Variants in PPFIBP1 observed in about 807,000 individuals in gnomAD.
PPFIBP1 encodes PPFIB scaffold protein 1.
Under a neutral mutation model 137.8 loss-of-function variants are expected in PPFIBP1, and 112 were observed. The observed-to-expected ratio is 0.81, with a 90% CI of 0.70 to 0.95. PPFIBP1 has a LOEUF of 0.95. PPFIBP1 is among the 40% of genes least tolerant of loss of function. The pLI is 0.00. For synonymous variants in PPFIBP1, 378 were observed against 417.3 expected (o/e 0.91, Z 1.15); for missense variants, 1,083 against 1,196.6 (o/e 0.91, Z 1.40).
chr12:27,683,536 C>T (rs751060752), intron 24 of PPFIBP1, among the ~76,000 whole-genome samples: 70 of 152,144 alleles, frequency 4.6e-4, no homozygotes, highest in Non-Finnish European at 8.5e-4. Context: ...CCCTATCACC[C>T]GTCTCACTTC....
At chr12:27,586,842 A>G (rs958411504) in intron 2 of PPFIBP1, among the ~76,000 whole-genome samples, 8 of 138,274 alleles carry the variant, frequency 5.8e-5, no homozygotes, top group African/African-American at 2.2e-4. Flanking sequence ...ATAAAAGAAA[A>G]TGTCCAATTT....
intron 1 of PPFIBP1, among the ~76,000 whole-genome samples, chr12:27,577,454 G>A (rs1399989751): frequency 1.3e-5 from 2 of 152,198 alleles, no homozygotes; most frequent in Non-Finnish European, 2.9e-5. Context: ...TTAACTTGGA[G>A]ACACCTTGCT....
chr12:27,537,857 G>A (rs1355949746), intron 1 of PPFIBP1, among the ~76,000 whole-genome samples: 1 of 152,070 alleles, frequency 6.6e-6, no homozygotes, highest in Non-Finnish European at 1.5e-5. Context: ...TTCACTTTTA[G>A]CTATGTAAAT....
intron 1 of PPFIBP1, among the ~76,000 whole-genome samples, chr12:27,543,514 T>A (rs1945884942): frequency 6.6e-6 from 1 of 152,236 alleles, no homozygotes; most frequent in African/African-American, 2.4e-5. Flanking sequence ...TATGGTTTTT[T>A]CATTTTTTCC....
intron 1 of PPFIBP1, among the ~76,000 whole-genome samples, chr12:27,531,212 G>A (rs67007118): frequency 0.17 from 25,429 of 152,124 alleles, 2,380 homozygotes; most frequent in Middle Eastern, 0.26. Context: ...TAACCTCTCT[G>A]GGTCTCAGCT....
At chr12:27,616,138 C>G (rs2055724418) in intron 2 of PPFIBP1, among the ~76,000 whole-genome samples, 1 of 151,722 alleles carries the variant, frequency 6.6e-6, no homozygotes, top group Non-Finnish European at 1.5e-5. Flanking sequence ...CTTTTCCCTC[C>G]TTTCCTTTTT....
At chr12:27,577,945 A>G (rs534976398) in intron 1 of PPFIBP1, among the ~76,000 whole-genome samples, 1 of 152,296 alleles carries the variant, frequency 6.6e-6, no homozygotes, top group South Asian at 2.1e-4. Flanking sequence ...AAGGGAGAGA[A>G]GGGTGGAGTG....
chr12:27,640,295 C>A (rs973148261), intron 4 of PPFIBP1, among the ~76,000 whole-genome samples: 2 of 152,160 alleles, frequency 1.3e-5, no homozygotes, highest in African/African-American at 2.4e-5. Context: ...GAAAATGTGA[C>A]AAGAACAATA....
intron 2 of PPFIBP1, among the ~76,000 whole-genome samples, chr12:27,617,243 T>C (rs970549450): frequency 1.3e-5 from 2 of 152,180 alleles, no homozygotes; most frequent in African/African-American, 2.4e-5. Context: ...TTAAGTAGAA[T>C]GTATACCCCG....
At chr12:27,589,610 G>T (rs746440452) in intron 2 of PPFIBP1, among the ~76,000 whole-genome samples, 16 of 152,290 alleles carry the variant, frequency 1.1e-4, no homozygotes, top group Admixed American at 2.0e-4. Context: ...TTAGGGACAG[G>T]TTCATACCTG....
chr12:27,550,502 T>G (rs958687037), intron 1 of PPFIBP1, among the ~76,000 whole-genome samples: 4 of 152,160 alleles, frequency 2.6e-5, no homozygotes, highest in Non-Finnish European at 4.4e-5. Context: ...CTCACAGGAG[T>G]GCAAAATGCA....
rs571152258 is a variant in PPFIBP1 at position 27,566,036 on chromosome 12, A to G, written c.-123-12116A>G. On this transcript the variant is annotated intron_variant, in intron 1 of 29. Transcript: ENST00000228425. ...TTAGATTACATTATAGGTCATTAAT[A>G]TGCTTCTCCTAATGGATCATGAAAT... 2.0e-5 allele frequency among the ~76,000 whole-genome samples: 3 copies of G among 152,204 alleles called. No individual in the cohort carries two copies. The East Asian group carries it at 5.8e-4, about 29-fold the overall frequency.
In PPFIBP1 at chr12:27,646,155, G is replaced by C. The variant is rs1312595685; in HGVS notation, c.357+7G>C. The C allele has an allele frequency of 6.3e-7, 1 of 1,591,196 alleles. No homozygotes were observed. The highest frequency in any genetic ancestry group is 8.6e-7 in the Non-Finnish European group (1 of 1,159,902). On this transcript the variant is annotated splice_region_variant and intron_variant, in intron 5 of 29. Coordinates refer to ENST00000228425, the MANE Select transcript of PPFIBP1 (RefSeq NM_003622.4). ...AGAATCCCTCGTTCTTCAGGCAAGT[G>C]ATTTTTAAATACTGTTCTTTCCTTG...
At chr12:27,573,845 A>G (rs1044198228) in intron 1 of PPFIBP1, among the ~76,000 whole-genome samples, 3 of 152,066 alleles carry the variant, frequency 2.0e-5, no homozygotes, top group Non-Finnish European at 2.9e-5. Context: ...TAAACTAGTC[A>G]AGCTTGCACA....
At position 27,684,755 on chromosome 12, in the gene PPFIBP1, T is replaced by C. The variant is rs199524193; in HGVS notation, c.2247+2052T>C. Among the ~76,000 whole-genome samples the C allele has an allele frequency of 8.6e-5, 13 of 152,020 alleles. No homozygotes were observed. The East Asian group carries it at 2.5e-3, about 29-fold the overall frequency. On this transcript the variant is annotated intron_variant, in intron 24 of 29. Coordinates refer to ENST00000228425, the MANE Select transcript of PPFIBP1 (RefSeq NM_003622.4). ...TAATATTACTAATATTATTATAGTG[T>C]GTATAATATATATTAAAAAGTTTTT...
At chr12:27,634,810 A>G in intron 3 of PPFIBP1, 100 bp from the exon 4 acceptor site, 1 of 953,280 alleles carries the variant, frequency 1.0e-6, no homozygotes, top group East Asian at 2.4e-5. Context: ...GTTTCTTTTG[A>G]TTGTTCCTTA....
intron 1 of PPFIBP1, among the ~76,000 whole-genome samples, chr12:27,528,528 G>A (rs1311751174): frequency 2.0e-5 from 3 of 152,126 alleles, no homozygotes; most frequent in Non-Finnish European, 2.9e-5. Context: ...TGCGTTAAAT[G>A]GAGCTCATAA....
chr12:27,613,893 C>G (rs904211017), intron 2 of PPFIBP1, among the ~76,000 whole-genome samples: 2 of 151,992 alleles, frequency 1.3e-5, no homozygotes, highest in Non-Finnish European at 2.9e-5. Flanking sequence ...CCATTTCCAT[C>G]GTTTGGGAAG....
chr12:27,634,080 T>C (rs182312457), intron 3 of PPFIBP1, among the ~76,000 whole-genome samples: 297 of 150,818 alleles, frequency 2.0e-3, no homozygotes, highest in African/African-American at 7.0e-3. Context: ...CGTGATCCAC[T>C]CATGTCGGCC....
Sources: allele counts gnomAD v4.1 joint callset (sites outside exome capture counted in the v4.1 genomes callset), GRCh38; gene constraint gnomAD v4.1.1; transcripts MANE v1.5; gene names NCBI Gene and HGNC (gene_info 2026-07-23, HGNC 2026-07-21).